RGPD1: variants seen among roughly 807,000 people sequenced by gnomAD.
RGPD1 encodes the protein RANBP2 like and GRIP domain containing 1.
RGPD1 carries 7 observed loss-of-function variants against 40.6 expected under a neutral mutation model. The observed-to-expected ratio is 0.17, with a 90% CI of 0.10 to 0.32. The LOEUF (loss-of-function observed/expected upper bound fraction) is 0.32. Ranked by LOEUF, RGPD1 falls within the 10% of genes least tolerant of loss-of-function variation. The pLI, the probability that RGPD1 is intolerant of heterozygous loss-of-function variation, is 1.00. For synonymous variants in RGPD1, 24 were observed against 167.0 expected (o/e 0.14, Z 6.60); for missense variants, 50 against 472.5 (o/e 0.11, Z 8.29).
chr2:86,913,690 G>A (rs569499563), upstream of RGPD1: 16 of 1,321,932 alleles, frequency 1.2e-5, no homozygotes, highest in African/African-American at 1.5e-5. Flanking sequence ...GAGCGCCGAC[G>A]TCGCCAAGGA....
At chr2:87,007,595 T>G (rs1363267639) in intron 22 of RGPD1, among the ~76,000 whole-genome samples, 2 of 151,772 alleles carry the variant, frequency 1.3e-5, no homozygotes, top group Admixed American at 1.3e-4. Context: ...GCAAAACTGG[T>G]CTCAAACTTC....
At chr2:86,945,133 G>T (rs1680251277) in intron 1 of RGPD1, among the ~76,000 whole-genome samples, 1 of 151,834 alleles carries the variant, frequency 6.6e-6, no homozygotes, top group Non-Finnish European at 1.5e-5. Context: ...CTAGACAGAA[G>T]TTAGAATGTT....
Position 87,011,742 on chromosome 2 carries a change from A to AAAT in RGPD1, c.5237-769_5237-767dup, listed in dbSNP as rs1682226455. On this transcript the variant is annotated intron_variant, in intron 22 of 22. Transcript: ENST00000641458. ...AACAAAACAAAACTTGCCTAAGCAT[A>AAAT]AATAGCTATGAAGAAGCAGATCAAG... 4.2e-5 allele frequency among the ~76,000 whole-genome samples: 5 copies of AAAT among 118,140 alleles called. 1 individual carries two copies. The highest frequency in any genetic ancestry group is 9.3e-5 in the Non-Finnish European group (5 of 54,032). The allele number at this position is 118,140 out of a possible 152,430, so 77.5% of individuals were successfully genotyped here.
chr2:86,915,197 G>C (rs1243294419), intron 1 of RGPD1, among the ~76,000 whole-genome samples: 1 of 150,510 alleles, frequency 6.6e-6, no homozygotes, highest in East Asian at 2.0e-4. Flanking sequence ...TTGGGAGTCT[G>C]AGGCAGGAGA....
intron 1 of RGPD1, among the ~76,000 whole-genome samples, chr2:86,919,950 A>G (rs1297669801): frequency 3.7e-4 from 55 of 150,072 alleles, no homozygotes; most frequent in Admixed American, 5.3e-4. Context: ...AGTGAATGCC[A>G]TTTTCCATCT....
intron 22 of RGPD1, among the ~76,000 whole-genome samples, chr2:87,011,969 T>TG (rs1354433886): frequency 4.5e-5 from 1 of 22,174 alleles, no homozygotes; most frequent in African/African-American, 1.7e-4. Context: ...TGAACCTATT[T>TG]GGGTAACCCC....
At chr2:86,943,227 G>C (rs557785278) in intron 1 of RGPD1, among the ~76,000 whole-genome samples, 2 of 147,752 alleles carry the variant, frequency 1.4e-5, no homozygotes, top group South Asian at 2.2e-4. Context: ...GGTGTTTGTC[G>C]CTGTCCCTTT....
chr2:86,941,672 C>CT (rs1442550101), upstream of RGPD1, among the ~76,000 whole-genome samples: 1 of 151,154 alleles, frequency 6.6e-6, no homozygotes, highest in Non-Finnish European at 1.5e-5. Context: ...GACTTTTCCT[C>CT]TAAGTGTTCC....
At chr2:86,944,543 C>T (rs917129936) in intron 1 of RGPD1, among the ~76,000 whole-genome samples, 4 of 151,996 alleles carry the variant, frequency 2.6e-5, no homozygotes, top group Non-Finnish European at 4.4e-5. Flanking sequence ...GTTGGGACCA[C>T]AGGTGTACCC....
In RGPD1 at chr2:86,942,192, C is replaced by T. The variant is rs1412832482; in HGVS notation, c.-45C>T. ...GTTGGAATTGGCGACTGCTGCGGGG[C>T]TGAGCGCTGGTTTCACGCGTCTCGG... On this transcript the variant is annotated 5_prime_UTR_variant, in exon 1 of 23. Coordinates refer to ENST00000641458, the MANE Select transcript of RGPD1 (RefSeq NM_001382344.1). The T allele has an allele frequency of 9.6e-6, 15 of 1,565,034 alleles. No individual in the cohort carries two copies. The highest frequency in any genetic ancestry group is 1.9e-5 in the Admixed American group (1 of 53,672).
intron 22 of RGPD1, among the ~76,000 whole-genome samples, chr2:86,998,559 A>AAAAAAC (rs1681879798): frequency 1.1e-5 from 1 of 94,138 alleles, no homozygotes; most frequent in Non-Finnish European, 2.1e-5. Flanking sequence ...AAAAAAAAAA[A>AAAAAAC]AAAAACTATG....
intron 1 of RGPD1, among the ~76,000 whole-genome samples, chr2:86,930,080 C>G (rs529989477): frequency 7.0e-6 from 1 of 142,554 alleles, no homozygotes; most frequent in South Asian, 2.3e-4. Flanking sequence ...TCACCGGAGG[C>G]AGGACAAGGG....
chr2:86,918,377 A>G (rs1433496332), intron 1 of RGPD1, among the ~76,000 whole-genome samples: 4 of 138,584 alleles, frequency 2.9e-5, no homozygotes, highest in Non-Finnish European at 6.2e-5. Flanking sequence ...AAAAAAAATC[A>G]CTCTAGACTA....
At chr2:86,934,826 G>A (rs1429360412) in intron 1 of RGPD1, 1 of 143,826 alleles carries the variant, frequency 7.0e-6, no homozygotes. Flanking sequence ...ACGACATCTT[G>A]GCGACCCAGT....
intron 1 of RGPD1, among the ~76,000 whole-genome samples, chr2:86,923,187 C>T (rs1183041138): frequency 1.3e-5 from 2 of 149,206 alleles, no homozygotes; most frequent in African/African-American, 2.5e-5. Context: ...TACAGGCGCC[C>T]GCCACCATGC....
chr2:86,942,278 G>C lies in RGPD1; in HGVS notation c.42G>C (p.Ser14=), dbSNP rs543547696. The change falls in exon 1 of 23, where the codon TCG becomes TCC. Residue 14 remains serine, a synonymous_variant. Coordinates refer to ENST00000641458, the MANE Select transcript of RGPD1 (RefSeq NM_001382344.1). ...CCTACGGGGAGCGGTACGTCGCCTC[G>C]GTGCAGGGCTCCGCCCCGTCGCCTG... ...SKAYGERYVA[S]VQGSAPSPGK... 21 of 1,606,296 alleles carry C rather than the reference G, an allele frequency of 1.3e-5. No homozygotes were observed. The highest frequency in any genetic ancestry group is 1.4e-5 in the Non-Finnish European group (17 of 1,177,526).
intron 6 of RGPD1, among the ~76,000 whole-genome samples, chr2:86,962,507 CAAAAA>C (rs61486857): frequency 1.0e-4 from 3 of 29,910 alleles, no homozygotes; most frequent in African/African-American, 3.8e-4. Context: ...GACTCTGTCT[CAAAAA>C]AAAAAAAAAA....
chr2:86,998,467 A>C (rs1433343840), intron 22 of RGPD1, among the ~76,000 whole-genome samples: 1 of 20,742 alleles, frequency 4.8e-5, no homozygotes, highest in Non-Finnish European at 7.5e-5. Flanking sequence ...GTGATCTGTC[A>C]CGCCACTGTA....
chr2:86,915,426 C>T (rs1259961515), intron 1 of RGPD1, among the ~76,000 whole-genome samples: 4 of 140,034 alleles, frequency 2.9e-5, no homozygotes, highest in African/African-American at 5.4e-5. Context: ...TTCGTAATCA[C>T]AAGGCCAGGT....
Sources: allele counts gnomAD v4.1 joint callset (sites outside exome capture counted in the v4.1 genomes callset), GRCh38; gene constraint gnomAD v4.1.1; transcripts MANE v1.5; gene names NCBI Gene and HGNC (gene_info 2026-07-23, HGNC 2026-07-21).